CELF2: variants seen among roughly 807,000 people sequenced by gnomAD.
The protein encoded by CELF2 is CUG triplet repeat RNA-binding protein 2.
Under a neutral mutation model 62.6 loss-of-function variants are expected in CELF2, and 8 were observed. The ratio of observed to expected loss-of-function variants is 0.13; its 90% CI spans 0.07 to 0.23. CELF2 has a LOEUF of 0.23. Among genes scored for constraint, CELF2 ranks in the 10% least tolerant of loss-of-function variants. The probability of loss-of-function intolerance (pLI) is 1.00; values close to 1 mark genes in which losing one functional copy is unlikely to be tolerated. For missense variants in CELF2, 333 were observed against 671.0 expected (o/e 0.50, Z 5.56); for synonymous variants, 258 against 250.0 (o/e 1.03, Z -0.30).
the CELF2 span, among the ~76,000 whole-genome samples, chr10:10,536,824 C>T: frequency 6.6e-6 from 1 of 152,188 alleles, no homozygotes; most frequent in African/African-American, 2.4e-5. Context: ...CTGCATGAAG[C>T]AGCTCGGGCT....
At chr10:11,088,743 G>A (rs748441639) in intron 1 of CELF2, among the ~76,000 whole-genome samples, 2 of 152,220 alleles carry the variant, frequency 1.3e-5, no homozygotes, top group Non-Finnish European at 2.9e-5. Flanking sequence ...GCGTGGGTCA[G>A]GAGTTTGGAC....
chr10:11,222,657 C>T (rs1447125240), intron 3 of CELF2, among the ~76,000 whole-genome samples: 1 of 152,162 alleles, frequency 6.6e-6, no homozygotes, highest in Non-Finnish European at 1.5e-5. Flanking sequence ...AACCAAATCA[C>T]CAAACCACAA....
At position 11,318,533 on chromosome 10, in the gene CELF2, T is replaced by TAGTC; in HGVS notation, c.1097-2655_1097-2652dup. On this transcript the variant is annotated intron_variant, in intron 10 of 12. Transcript: ENST00000633077. This position sits in a 1 kb window ranked among gnomAD's most constrained non-coding sequence, Gnocchi z 5.4. ...CAGAAAGCAGATTAGCTCTGAGGTG[T>TAGTC]AGTCCAGAGACACAGCCAGCCTCTG... The TAGTC allele has an allele frequency of 2.8e-6, 1 of 360,184 alleles. No homozygotes were observed. Among genetic ancestry groups the TAGTC allele is most frequent in the South Asian group, 2.1e-5 (1 of 46,800 alleles). The allele number at this position is 360,184 out of a possible 1,614,324, so 22.3% of individuals were successfully genotyped here.
intron 1 of CELF2, among the ~76,000 whole-genome samples, chr10:10,834,523 C>A (rs2058121091): frequency 6.6e-6 from 1 of 152,152 alleles, no homozygotes; most frequent in African/African-American, 2.4e-5. Context: ...CCAGACCAGA[C>A]CATGTGTATT....
chr10:11,047,637 T>G (rs868150893), intron 1 of CELF2, among the ~76,000 whole-genome samples: 10 of 151,642 alleles, frequency 6.6e-5, no homozygotes, highest in Admixed American at 5.3e-4. Flanking sequence ...GTAGATTCAA[T>G]AGGCAAAATT....
chr10:10,599,566 G>A, the CELF2 span, among the ~76,000 whole-genome samples: 1 of 152,134 alleles, frequency 6.6e-6, no homozygotes, highest in African/African-American at 2.4e-5. Context: ...AGAAACATTA[G>A]CTTTGAAGCT....
At chr10:10,561,825 G>T in the CELF2 span, among the ~76,000 whole-genome samples, 6 of 152,306 alleles carry the variant, frequency 3.9e-5, no homozygotes, top group African/African-American at 1.4e-4. Context: ...GACAGTGGTG[G>T]CAGCAGCGTC....
chr10:11,144,306 A>G (rs1223719042), intron 1 of CELF2, among the ~76,000 whole-genome samples: 1 of 152,226 alleles, frequency 6.6e-6, no homozygotes, highest in Non-Finnish European at 1.5e-5. Context: ...GGCAAAATAC[A>G]CAAATAGTAG....
At chr10:10,833,013 C>CTGTGTGTGTGTGTGTGTGTGTGTGTG (rs71378768) in intron 1 of CELF2, among the ~76,000 whole-genome samples, 2 of 144,616 alleles carry the variant, frequency 1.4e-5, no homozygotes, top group East Asian at 4.1e-4. Context: ...ACAGAAAACT[C>CTGTGTGTGTGTGTGTGTGTGTGTGTG]TGTGTGTGTG....
chr10:10,536,232 A>C, the CELF2 span, among the ~76,000 whole-genome samples: 36,493 of 151,838 alleles, frequency 0.24, 5,313 homozygotes, highest in Non-Finnish European at 0.34. Flanking sequence ...GTTGGTCAGG[A>C]TGGTCTCGAT....
intron 1 of CELF2, among the ~76,000 whole-genome samples, chr10:11,077,721 G>A (rs2072515155): frequency 1.3e-5 from 2 of 152,136 alleles, no homozygotes; most frequent in South Asian, 4.1e-4. Context: ...TGAAGTACAG[G>A]GGTGAGCCTC....
chr10:10,712,629 A>T, the CELF2 span, among the ~76,000 whole-genome samples: 1 of 151,830 alleles, frequency 6.6e-6, no homozygotes, highest in Non-Finnish European at 1.5e-5. Flanking sequence ...CAGACATCCA[A>T]CTCCTACCTG....
At chr10:10,537,740 A>G in the CELF2 span, among the ~76,000 whole-genome samples, 4 of 152,078 alleles carry the variant, frequency 2.6e-5, no homozygotes, top group Non-Finnish European at 5.9e-5. Flanking sequence ...ATGAGTCTAG[A>G]TAACCCAGCT....
intron 3 of CELF2, among the ~76,000 whole-genome samples, chr10:11,219,204 T>C (rs907574876): frequency 6.6e-6 from 1 of 152,220 alleles, no homozygotes; most frequent in Non-Finnish European, 1.5e-5. Context: ...GCTCCCAGCA[T>C]GCGATCTTCA....
At chr10:10,636,225 C>G in the CELF2 span, among the ~76,000 whole-genome samples, 2 of 152,146 alleles carry the variant, frequency 1.3e-5, no homozygotes, top group Non-Finnish European at 2.9e-5. Flanking sequence ...TATGTAATTG[C>G]TACTTCCTTT....
chr10:10,649,189 A>G, the CELF2 span, among the ~76,000 whole-genome samples: 3 of 152,222 alleles, frequency 2.0e-5, no homozygotes, highest in African/African-American at 7.2e-5. Flanking sequence ...TACTCTTCAT[A>G]GCCAAAAATG....
At position 11,329,167 on chromosome 10, in the gene CELF2, G is replaced by C; in HGVS notation, c.*114G>C. The C allele has an allele frequency of 8.8e-7, 1 of 1,142,094 alleles. No homozygotes were observed. The highest frequency in any genetic ancestry group is 1.8e-5 in the South Asian group (1 of 55,144). 70.7% of individuals were successfully genotyped at this position (1,142,094 alleles called of 1,614,324 possible). ...GGACCACATTGCCAACTTTTACCAA[G>C]AGAGACGGTTATTTTTACAATAAGG... On this transcript the variant is annotated 3_prime_UTR_variant, in exon 13 of 13. Transcript: ENST00000633077. This position sits in a 1 kb window ranked among gnomAD's most constrained non-coding sequence, Gnocchi z 5.5.
intron 2 of CELF2, among the ~76,000 whole-genome samples, chr10:11,193,788 A>C (rs1309438537): frequency 6.6e-6 from 1 of 152,200 alleles, no homozygotes; most frequent in Admixed American, 6.5e-5. Flanking sequence ...GTATTTTGTA[A>C]ATGGAATAGC....
chr10:10,963,349 C>G (rs2049758832), intron 2 of CELF2, among the ~76,000 whole-genome samples: 1 of 152,144 alleles, frequency 6.6e-6, no homozygotes, highest in African/African-American at 2.4e-5. Flanking sequence ...GCCACCGTGC[C>G]CAGCCAGGAA....
Sources: gnomAD v4.1 joint callset for allele counts (sites outside exome capture counted in the v4.1 genomes callset) on GRCh38, gnomAD v4.1.1 for gene constraint, Gnocchi (gnomAD v3.1) non-coding constraint, MANE v1.5 for transcripts, NCBI Gene and HGNC (gene_info 2026-07-23, HGNC 2026-07-21) for gene names.